PDZD2: variants seen among roughly 807,000 people sequenced by gnomAD.
The protein encoded by PDZD2 is PDZ domain containing 2, also known as PDZ domain-containing protein 2.
Under a neutral mutation model 220.7 loss-of-function variants are expected in PDZD2, and 90 were observed. The ratio of observed to expected loss-of-function variants is 0.41; its 90% CI spans 0.34 to 0.49. PDZD2 has a LOEUF of 0.49. Among genes scored for constraint, PDZD2 ranks in the 20% least tolerant of loss-of-function variants. The pLI is 0.28. For missense variants in PDZD2, 3,174 were observed against 3,608.5 expected, an observed-to-expected ratio of 0.88 and a Z score of 3.08; for synonymous variants, 1,375 against 1,450.5, an observed-to-expected ratio of 0.95 and a Z score of 1.18.
intron 1 of PDZD2, chr5:31,693,026 G>T (rs1580574674): frequency 6.6e-6 from 1 of 152,552 alleles, no homozygotes; most frequent in East Asian, 1.9e-4. Flanking sequence ...GGGAGCGTTT[G>T]GATCTGGCAA....
intron 1 of PDZD2, among the ~76,000 whole-genome samples, chr5:31,724,162 G>A (rs2150150121): frequency 1.3e-5 from 2 of 152,250 alleles, no homozygotes; most frequent in South Asian, 2.1e-4. Context: ...TAACTTCATA[G>A]GAACATTATT....
At position 32,037,185 on chromosome 5, in the gene PDZD2, C is replaced by G. The variant is rs371164873; in HGVS notation, c.1408-46C>G. The G allele has an allele frequency of 1.5e-5, 18 of 1,222,028 alleles. No individual in the cohort carries two copies. In the Admixed American group the frequency reaches 2.2e-4, roughly 15 times the overall value. The allele number at this position is 1,222,028 out of a possible 1,614,324, so 75.7% of individuals were successfully genotyped here. The stretch of plus-strand genomic sequence containing the variant: ...TGTGGAGGGGGACAGCATAAGTCAT[C>G]GCAGGGCTGGGCTCTCCCATCAGCT... On this transcript the variant is annotated intron_variant, in intron 6 of 24. Coordinates refer to ENST00000438447, the MANE Select transcript of PDZD2 (RefSeq NM_178140.4).
At chr5:31,819,153 A>G (rs888406355) in intron 2 of PDZD2, among the ~76,000 whole-genome samples, 1 of 152,170 alleles carries the variant, frequency 6.6e-6, no homozygotes, top group Non-Finnish European at 1.5e-5. Context: ...TTTTTACACA[A>G]TGGGGCACAT....
chr5:31,818,360 C>A (rs528485937), intron 2 of PDZD2, among the ~76,000 whole-genome samples: 1 of 152,162 alleles, frequency 6.6e-6, no homozygotes, highest in African/African-American at 2.4e-5. Context: ...CCCTGTCCTC[C>A]TAGGGAAGGT....
intron 3 of PDZD2, among the ~76,000 whole-genome samples, chr5:31,988,538 T>C (rs1296825121): frequency 2.0e-5 from 3 of 152,052 alleles, no homozygotes; most frequent in Non-Finnish European, 4.4e-5. Context: ...CCTCATACTC[T>C]AGGGATTTGT....
chr5:32,055,984 G>A (rs1235811831), intron 10 of PDZD2, among the ~76,000 whole-genome samples: 3 of 152,188 alleles, frequency 2.0e-5, no homozygotes, highest in African/African-American at 4.8e-5. Flanking sequence ...AAGGTTAATA[G>A]CACTTGATTC....
intron 1 of PDZD2, among the ~76,000 whole-genome samples, chr5:31,660,645 G>A (rs1433731194): frequency 2.6e-5 from 4 of 152,256 alleles, no homozygotes; most frequent in African/African-American, 7.2e-5. Context: ...GGTAACTGCT[G>A]CCATGATTAA....
chr5:32,034,778 G>A (rs1755404520), intron 6 of PDZD2, among the ~76,000 whole-genome samples: 1 of 152,130 alleles, frequency 6.6e-6, no homozygotes, highest in South Asian at 2.1e-4. Flanking sequence ...GAGGCTCTAA[G>A]GCTTTTCTCT....
chr5:31,804,925 G>A (rs1754622044), intron 2 of PDZD2, among the ~76,000 whole-genome samples: 3 of 152,170 alleles, frequency 2.0e-5, no homozygotes, highest in African/African-American at 7.2e-5. Flanking sequence ...CAGGCGTGGT[G>A]GCTCATGCCT....
intron 7 of PDZD2, 121 bp downstream of exon 7, chr5:32,037,463 A>C: frequency 1.6e-6 from 1 of 635,160 alleles, no homozygotes; most frequent in Non-Finnish European, 2.8e-6. Flanking sequence ...AATCATTTTT[A>C]CCTTGGATGG....
At chr5:31,716,589 G>T (rs1748459186) in intron 1 of PDZD2, among the ~76,000 whole-genome samples, 1 of 152,174 alleles carries the variant, frequency 6.6e-6, no homozygotes. Context: ...GATCACTTGA[G>T]GTCAGGAGTT....
chr5:32,049,199 C>A (rs1342672574), intron 8 of PDZD2, among the ~76,000 whole-genome samples: 1 of 152,130 alleles, frequency 6.6e-6, no homozygotes, highest in East Asian at 1.9e-4. Context: ...TGTTACAGAA[C>A]CTGCTCCCGT....
At chr5:31,644,440 G>C (rs990473752) in intron 1 of PDZD2, among the ~76,000 whole-genome samples, 3 of 152,224 alleles carry the variant, frequency 2.0e-5, no homozygotes, top group African/African-American at 7.2e-5. Context: ...TTACAAATGT[G>C]TTCAAGAAGA....
At chr5:31,961,291 G>A (rs879396216) in intron 2 of PDZD2, among the ~76,000 whole-genome samples, 3 of 151,852 alleles carry the variant, frequency 2.0e-5, no homozygotes, top group African/African-American at 7.3e-5. Context: ...AGCGCTTTGG[G>A]AGGCCGAGGC....
intron 2 of PDZD2, among the ~76,000 whole-genome samples, chr5:31,973,087 C>T (rs1178605169): frequency 6.6e-6 from 1 of 152,188 alleles, no homozygotes; most frequent in Admixed American, 6.5e-5. Context: ...TTCTGAGTTC[C>T]TATTTCCAAC....
At chr5:31,721,967 C>T (rs552985889) in intron 1 of PDZD2, among the ~76,000 whole-genome samples, 8 of 152,180 alleles carry the variant, frequency 5.3e-5, no homozygotes, top group African/African-American at 1.9e-4. Flanking sequence ...ATAGCCCAGC[C>T]TTCGTTCCTC....
intron 1 of PDZD2, among the ~76,000 whole-genome samples, chr5:31,694,495 T>G (rs1241319983): frequency 2.6e-5 from 4 of 152,226 alleles, no homozygotes; most frequent in African/African-American, 4.8e-5. Flanking sequence ...TGGCTTTACA[T>G]GAGCTCTTTG....
intron 1 of PDZD2, among the ~76,000 whole-genome samples, chr5:31,774,243 A>C (rs1412001799): frequency 8.6e-5 from 13 of 151,962 alleles, no homozygotes; most frequent in Admixed American, 8.5e-4. Context: ...TTTGAGCACC[A>C]CCCTACACAG....
intron 2 of PDZD2, among the ~76,000 whole-genome samples, chr5:31,969,317 G>A (rs1749054580): frequency 3.3e-5 from 5 of 151,564 alleles, no homozygotes; most frequent in Non-Finnish European, 5.9e-5. Flanking sequence ...GACCAGCCTG[G>A]GCAACATGGT....
Sources: allele counts gnomAD v4.1 joint callset (sites outside exome capture counted in the v4.1 genomes callset), GRCh38; gene constraint gnomAD v4.1.1; transcripts MANE v1.5; gene names NCBI Gene and HGNC (gene_info 2026-07-23, HGNC 2026-07-21).